The following CDKAL1 variants were observed in gnomAD, a reference collection of about 807,000 sequenced individuals.
The protein encoded by CDKAL1 is threonylcarbamoyladenosine tRNA methylthiotransferase.
A neutral mutation model predicts 68.2 loss-of-function variants in CDKAL1; 32 were observed. That is an observed-to-expected ratio of 0.47 (90% confidence interval 0.35 to 0.63). The LOEUF (loss-of-function observed/expected upper bound fraction) is 0.63. Ranked by LOEUF, CDKAL1 falls within the 30% of genes least tolerant of loss-of-function variation. The pLI is 0.00. For synonymous variants in CDKAL1, 234 were observed against 244.3 expected (o/e 0.96, Z 0.39); for missense variants, 606 against 696.7 (o/e 0.87, Z 1.47).
chr6:20,689,057 G>A (rs986300015), intron 5 of CDKAL1, among the ~76,000 whole-genome samples: 1 of 152,194 alleles, frequency 6.6e-6, no homozygotes, highest in Non-Finnish European at 1.5e-5. Flanking sequence ...AGGTCATTTA[G>A]GCTCTGGTGA....
At chr6:20,946,924 T>C (rs941033436) in intron 9 of CDKAL1, among the ~76,000 whole-genome samples, 5 of 152,224 alleles carry the variant, frequency 3.3e-5, no homozygotes, top group African/African-American at 1.2e-4. Flanking sequence ...TATCTTGCTT[T>C]TAAAATTTTT....
intron 15 of CDKAL1, among the ~76,000 whole-genome samples, chr6:21,208,838 G>C (rs1243930140): frequency 6.6e-6 from 1 of 152,150 alleles, no homozygotes; most frequent in African/African-American, 2.4e-5. Context: ...CGTTGCAGCT[G>C]AATTAGTATG....
chr6:21,186,271 G>A (rs190613509), intron 13 of CDKAL1, among the ~76,000 whole-genome samples: 2 of 152,194 alleles, frequency 1.3e-5, no homozygotes, highest in African/African-American at 4.8e-5. Flanking sequence ...TTGAAAGATG[G>A]TGGGGTGTAC....
At chr6:20,974,205 A>G (rs1443731862) in intron 10 of CDKAL1, among the ~76,000 whole-genome samples, 1 of 152,220 alleles carries the variant, frequency 6.6e-6, no homozygotes, top group Non-Finnish European at 1.5e-5. Context: ...CCCAGGCTGC[A>G]GAAGCAGAAA....
intron 8 of CDKAL1, among the ~76,000 whole-genome samples, chr6:20,831,523 A>G (rs540330649): frequency 3.7e-4 from 57 of 152,268 alleles, no homozygotes; most frequent in African/African-American, 1.3e-3. Flanking sequence ...TCTCAGATGT[A>G]GTGGTTTCAC....
intron 5 of CDKAL1, among the ~76,000 whole-genome samples, chr6:20,728,161 T>C (rs768668262): frequency 5.3e-5 from 8 of 152,212 alleles, no homozygotes; most frequent in Non-Finnish European, 1.0e-4. Context: ...TAAGTGTTCA[T>C]GTGTATTTCT....
intron 8 of CDKAL1, among the ~76,000 whole-genome samples, chr6:20,816,471 A>C (rs1306089026): frequency 6.6e-6 from 1 of 152,200 alleles, no homozygotes; most frequent in African/African-American, 2.4e-5. Context: ...ACAGATTTCC[A>C]TCATGACCTG....
At chr6:21,162,704 C>T (rs555744511) in intron 13 of CDKAL1, among the ~76,000 whole-genome samples, 12 of 152,268 alleles carry the variant, frequency 7.9e-5, no homozygotes, top group South Asian at 2.1e-4. Flanking sequence ...GTGGGAGAAT[C>T]GCTGGAGCCC....
chr6:20,929,574 C>T (rs1763334431), intron 9 of CDKAL1, among the ~76,000 whole-genome samples: 1 of 152,250 alleles, frequency 6.6e-6, no homozygotes, highest in South Asian at 2.1e-4. Context: ...TGATTTTTGC[C>T]TTACATCTGA....
chr6:20,958,027 C>T (rs1764871300), intron 10 of CDKAL1, among the ~76,000 whole-genome samples: 1 of 148,926 alleles, frequency 6.7e-6, no homozygotes, highest in South Asian at 2.1e-4. Context: ...ATAGAGCCCA[C>T]ACTGTAGTCT....
intron 11 of CDKAL1, among the ~76,000 whole-genome samples, chr6:21,046,402 A>G (rs866845916): frequency 3.9e-5 from 6 of 152,342 alleles, no homozygotes; most frequent in African/African-American, 1.4e-4. Context: ...GTATGTAAGA[A>G]GAAGGGGGCA....
chr6:20,649,472 G>A (rs1768645712), intron 5 of CDKAL1, 95 bp downstream of exon 5: 1 of 651,438 alleles, frequency 1.5e-6, no homozygotes, highest in Admixed American at 3.2e-5. Flanking sequence ...TAGATATTTA[G>A]TTTATATTAA....
intron 5 of CDKAL1, among the ~76,000 whole-genome samples, chr6:20,704,023 G>A (rs1353654518): frequency 2.0e-5 from 3 of 152,194 alleles, no homozygotes; most frequent in Non-Finnish European, 4.4e-5. Flanking sequence ...GTGCAGGCCT[G>A]TGTTGGGGAT....
chr6:21,230,237 CTG>C (rs1779904763), intron 15 of CDKAL1, among the ~76,000 whole-genome samples: 1 of 152,236 alleles, frequency 6.6e-6, no homozygotes, highest in South Asian at 2.1e-4. Flanking sequence ...TCTTGGCTCA[CTG>C]TAGCCTTCAC....
chr6:20,632,907 A>T lies in CDKAL1; in HGVS notation c.287-16386A>T, dbSNP rs546699225. Among the ~76,000 whole-genome samples, 46 of 152,278 alleles carry T rather than the reference A, an allele frequency of 3.0e-4. No homozygotes were observed. The South Asian group carries it at 9.5e-3, about 32-fold the overall frequency. Reference sequence around the variant, plus strand: ...TAGAGAAAGCTTCCTGGGGGAGGTGACGTGTACACTGCTCTATGAAAGATG... The same window carrying T: ...TAGAGAAAGCTTCCTGGGGGAGGTGTCGTGTACACTGCTCTATGAAAGATG... On this transcript the variant is annotated intron_variant, in intron 4 of 15. Coordinates refer to ENST00000274695, the MANE Select transcript of CDKAL1 (RefSeq NM_017774.3).
chr6:20,753,634 T>C (rs1402240854), intron 6 of CDKAL1, among the ~76,000 whole-genome samples: 1 of 152,216 alleles, frequency 6.6e-6, no homozygotes, highest in African/African-American at 2.4e-5. Context: ...CATTCTGTCT[T>C]AGTGATGCGT....
chr6:21,123,271 A>G (rs906134709), intron 13 of CDKAL1, among the ~76,000 whole-genome samples: 3 of 152,158 alleles, frequency 2.0e-5, no homozygotes, highest in South Asian at 4.1e-4. Flanking sequence ...CCTGGCCAAC[A>G]TGGTGAAACC....
At chr6:21,043,880 T>C (rs555196898) in intron 11 of CDKAL1, among the ~76,000 whole-genome samples, 1 of 152,314 alleles carries the variant, frequency 6.6e-6, no homozygotes, top group South Asian at 2.1e-4. Flanking sequence ...TGAGATATAG[T>C]CATTAGTTGT....
intron 9 of CDKAL1, among the ~76,000 whole-genome samples, chr6:20,906,592 A>G (rs538971894): frequency 6.6e-6 from 1 of 152,204 alleles, no homozygotes; most frequent in East Asian, 1.9e-4. Context: ...TTGTCCATAC[A>G]CTCCTCAACT....
Sources: allele counts gnomAD v4.1 joint callset (sites outside exome capture counted in the v4.1 genomes callset), GRCh38; gene constraint gnomAD v4.1.1; transcripts MANE v1.5; gene names NCBI Gene and HGNC (gene_info 2026-07-23, HGNC 2026-07-21).